The following VEPH1 variants were observed in gnomAD, a reference collection of about 807,000 sequenced individuals.
VEPH1 encodes ventricular zone-expressed PH domain-containing protein homolog 1.
A neutral mutation model predicts 85.2 loss-of-function variants in VEPH1; 80 were observed. The observed-to-expected ratio is 0.94, with a 90% CI of 0.78 to 1.13. The LOEUF (loss-of-function observed/expected upper bound fraction) is 1.13. Ranked by LOEUF, VEPH1 falls within the 50% of genes most tolerant of loss-of-function variation. The pLI is 0.00. For synonymous variants in VEPH1, 297 were observed against 348.0 expected, an observed-to-expected ratio of 0.85 and a Z score of 1.63; for missense variants, 955 against 980.5, an observed-to-expected ratio of 0.97 and a Z score of 0.35.
At chr3:157,471,715 T>C (rs1577738758) in intron 2 of VEPH1, among the ~76,000 whole-genome samples, 1 of 97,242 alleles carries the variant, frequency 1.0e-5, no homozygotes, top group Non-Finnish European at 2.4e-5. Context: ...TGACCTCATC[T>C]TTTTTTTTTT....
chr3:157,290,617 C>T (rs1436784889), intron 11 of VEPH1, among the ~76,000 whole-genome samples: 2 of 152,046 alleles, frequency 1.3e-5, no homozygotes, highest in Admixed American at 6.6e-5. Flanking sequence ...AACATATACA[C>T]ACAAAATAAA....
At chr3:157,492,265 C>T (rs556818593) in intron 2 of VEPH1, among the ~76,000 whole-genome samples, 1 of 152,290 alleles carries the variant, frequency 6.6e-6, no homozygotes, top group East Asian at 1.9e-4. Flanking sequence ...ACTGAGTAAA[C>T]AGACTTGAGA....
At chr3:157,304,038 T>TAC (rs58708932) in intron 11 of VEPH1, among the ~76,000 whole-genome samples, 17 of 96,904 alleles carry the variant, frequency 1.8e-4, no homozygotes, top group Admixed American at 5.7e-4. Flanking sequence ...TATATATATA[T>TAC]ACACACATAC....
At chr3:157,497,126 C>A (rs189648735) in intron 1 of VEPH1, among the ~76,000 whole-genome samples, 2 of 152,228 alleles carry the variant, frequency 1.3e-5, no homozygotes, top group East Asian at 3.9e-4. Context: ...AGTTCATAAC[C>A]ATTATGAAAT....
chr3:157,401,897 A>G (rs987559117), intron 6 of VEPH1, among the ~76,000 whole-genome samples: 2 of 152,192 alleles, frequency 1.3e-5, no homozygotes, highest in Admixed American at 6.5e-5. Flanking sequence ...TCTGCAGAAG[A>G]AAAAGTCCGA....
chr3:157,401,721 A>AT (rs1730803892), intron 6 of VEPH1, among the ~76,000 whole-genome samples: 1 of 148,818 alleles, frequency 6.7e-6, no homozygotes. Context: ...TAGTTCAAGG[A>AT]TTTTTCCTTA....
Position 157,460,035 on chromosome 3 carries a change from G to T in VEPH1, c.529+146C>A, listed in dbSNP as rs79921237. 12,994 of 1,573,276 alleles carry T rather than the reference G, an allele frequency of 8.3e-3. 193 individuals are homozygous for T. Among genetic ancestry groups the T allele is most frequent in the East Asian group, 0.073 (3,202 of 43,954 alleles). On this transcript the variant is annotated intron_variant, in intron 4 of 13. Coordinates refer to ENST00000362010, the MANE Select transcript of VEPH1 (RefSeq NM_001167912.2). ...AGCCAGATTAAGTAACCTTTTGCAT[G>T]TTCACAGGTCAACTGGCAGCAAAAC...
chr3:157,459,077 C>T (rs1394196154), intron 4 of VEPH1, among the ~76,000 whole-genome samples: 2 of 152,298 alleles, frequency 1.3e-5, no homozygotes, highest in East Asian at 1.9e-4. Flanking sequence ...AGTGTTCTTT[C>T]CCATCCTGCC....
chr3:157,392,304 A>C (rs975922437), intron 6 of VEPH1, among the ~76,000 whole-genome samples: 3 of 152,196 alleles, frequency 2.0e-5, no homozygotes, highest in African/African-American at 7.2e-5. Flanking sequence ...TCTTACATGG[A>C]TGGCAGCAGG....
At chr3:157,428,999 G>C (rs1340103774) in intron 4 of VEPH1, among the ~76,000 whole-genome samples, 1 of 152,170 alleles carries the variant, frequency 6.6e-6, no homozygotes, top group Admixed American at 6.5e-5. Flanking sequence ...AGTTTAAGAA[G>C]TAGTAATGCA....
At chr3:157,385,425 T>C (rs1729194762) in intron 6 of VEPH1, among the ~76,000 whole-genome samples, 1 of 152,158 alleles carries the variant, frequency 6.6e-6, no homozygotes, top group Non-Finnish European at 1.5e-5. Context: ...CTCTTGAAAA[T>C]GATCAAAGAT....
rs1311050255 is a variant in VEPH1, at chr3:157,260,821, T to G, written c.*313A>C. On this transcript the variant is annotated 3_prime_UTR_variant, in exon 14 of 14. Coordinates refer to ENST00000362010, the MANE Select transcript of VEPH1 (RefSeq NM_001167912.2). ...TTTTCTCACAGTTTTAAATGACATATCTACAGAAGTTCTTTTATCAGTGAC... is the reference window on the plus strand; with the variant it reads ...TTTTCTCACAGTTTTAAATGACATAGCTACAGAAGTTCTTTTATCAGTGAC... The G allele has an allele frequency of 8.1e-6, 2 of 248,396 alleles. No individual in the cohort carries two copies. The highest frequency in any genetic ancestry group is 1.5e-5 in the Non-Finnish European group (2 of 129,328). 15.4% of individuals were successfully genotyped at this position (248,396 alleles called of 1,614,324 possible). A position where few individuals can be genotyped will look rare whatever the true frequency, so the allele number is the denominator to read the frequency against.
chr3:157,374,010 T>C (rs1461319911), intron 7 of VEPH1, among the ~76,000 whole-genome samples: 1 of 152,184 alleles, frequency 6.6e-6, no homozygotes, highest in Non-Finnish European at 1.5e-5. Flanking sequence ...ATAGATGAAT[T>C]CCTGAAATGC....
chr3:157,362,100 G>A (rs570333008), intron 9 of VEPH1, among the ~76,000 whole-genome samples: 3 of 151,926 alleles, frequency 2.0e-5, no homozygotes, highest in South Asian at 2.1e-4. Context: ...GTGCGATATC[G>A]GCTCACTGCA....
intron 11 of VEPH1, among the ~76,000 whole-genome samples, chr3:157,308,831 T>A (rs1418309921): frequency 1.3e-5 from 2 of 152,120 alleles, no homozygotes; most frequent in African/African-American, 2.4e-5. Context: ...TTCTTCTACT[T>A]AGTTTACTCA....
chr3:157,355,813 C>T lies in VEPH1; in HGVS notation c.1735+7551G>A, dbSNP rs542315664. Among the ~76,000 whole-genome samples, 17 of 151,714 alleles carry T rather than the reference C, an allele frequency of 1.1e-4. No individual in the cohort carries two copies. The South Asian group carries it at 1.5e-3, about 13-fold the overall frequency. ...TGCCAGTGTAATATTTTAATGGCTG[C>T]GGGATAATTGATGTGGATATTTTCA... On this transcript the variant is annotated intron_variant, in intron 9 of 13. Coordinates refer to ENST00000362010, the MANE Select transcript of VEPH1 (RefSeq NM_001167912.2).
chr3:157,363,105 T>C (rs1160328483), intron 9 of VEPH1, among the ~76,000 whole-genome samples: 7 of 149,836 alleles, frequency 4.7e-5, no homozygotes, highest in African/African-American at 1.5e-4. Flanking sequence ...GAACCAGAAA[T>C]AATATATCTT....
At chr3:157,297,204 T>A (rs1718243403) in intron 11 of VEPH1, among the ~76,000 whole-genome samples, 1 of 152,262 alleles carries the variant, frequency 6.6e-6, no homozygotes, top group South Asian at 2.1e-4. Flanking sequence ...TAGATAAATG[T>A]ATGTAAATCT....
chr3:157,301,291 G>A (rs1371082588), intron 11 of VEPH1, among the ~76,000 whole-genome samples: 1 of 152,120 alleles, frequency 6.6e-6, no homozygotes, highest in Non-Finnish European at 1.5e-5. Context: ...GCTATGAGGA[G>A]AAGCAGAGGG....
Sources: gnomAD v4.1 joint callset for allele counts (sites outside exome capture counted in the v4.1 genomes callset) on GRCh38, gnomAD v4.1.1 for gene constraint, MANE v1.5 for transcripts, NCBI Gene and HGNC (gene_info 2026-07-23, HGNC 2026-07-21) for gene names.